SLC9C2: variants seen among roughly 807,000 people sequenced by gnomAD.
SLC9C2 encodes the protein sodium/hydrogen exchanger 11.
SLC9C2 carries 75 observed loss-of-function variants against 140.2 expected under a neutral mutation model. The ratio of observed to expected loss-of-function variants is 0.53; its 90% CI spans 0.44 to 0.65. The LOEUF is 0.65. Among genes scored for constraint, SLC9C2 ranks in the 30% least tolerant of loss-of-function variants. SLC9C2 has a pLI of 0.00. For synonymous variants in SLC9C2, 375 were observed against 420.9 expected (o/e 0.89, Z 1.34); for missense variants, 1,074 against 1,331.8 (o/e 0.81, Z 3.01).
chr1:173,571,640 T>G (rs1001672838), intron 9 of SLC9C2: 1 of 152,190 alleles, frequency 6.6e-6, no homozygotes, highest in Non-Finnish European at 1.5e-5. Flanking sequence ...TGGTTTTTTT[T>G]CTGAAAACCC....
intron 17 of SLC9C2, among the ~76,000 whole-genome samples, chr1:173,532,190 A>C (rs1323087598): frequency 6.6e-6 from 1 of 152,206 alleles, no homozygotes; most frequent in Non-Finnish European, 1.5e-5. Flanking sequence ...AATGTTGTGG[A>C]GAATGGGAAG....
At position 173,600,197 on chromosome 1, in the gene SLC9C2, T is replaced by G; in HGVS notation, c.148A>C (p.Lys50Gln). 6.2e-7 allele frequency: 1 copy of G among 1,611,828 alleles called. No individual in the cohort carries two copies. Among genetic ancestry groups the G allele is most frequent in the Non-Finnish European group, 8.5e-7 (1 of 1,178,816 alleles). ...VLGGLLKMCL[K>Q]NCEVIVLTIL... ...GTCAAAACAATGACTTCACAATTCT[T>G]TAAACACATCTTCAAAAGCCCTAAA... The change falls in exon 3 of 28, where the codon AAG becomes CAG. Residue 50 changes from lysine to glutamine, a missense_variant. Lys to Gln is a moderately conservative substitution (Grantham distance 53, BLOSUM62 1). Transcript: ENST00000367714.
intron 4 of SLC9C2, among the ~76,000 whole-genome samples, chr1:173,591,095 C>A (rs2102249922): frequency 6.6e-6 from 1 of 152,160 alleles, no homozygotes; most frequent in Non-Finnish European, 1.5e-5. Context: ...GAGTTCTCAC[C>A]ATTTAGCTTC....
At chr1:173,597,879 T>G in intron 4 of SLC9C2, 25 bp downstream of exon 4, 1 of 1,555,988 alleles carries the variant, frequency 6.4e-7, no homozygotes, top group Non-Finnish European at 8.7e-7. Context: ...GAATTGATCG[T>G]ACTTTGTTTT....
At chr1:173,511,029 CTTTTTTTTTTTTTTT>C (rs71111066) in intron 23 of SLC9C2, among the ~76,000 whole-genome samples, 2 of 86,738 alleles carry the variant, frequency 2.3e-5, no homozygotes, top group African/African-American at 1.1e-4. Context: ...CTTTCTTTTC[CTTTTTTTTTTTTTTT>C]TTTTTTTTTG....
intron 4 of SLC9C2, among the ~76,000 whole-genome samples, chr1:173,594,238 T>A (rs1436110096): frequency 3.9e-5 from 6 of 152,188 alleles, no homozygotes; most frequent in Non-Finnish European, 8.8e-5. Context: ...AGTTCTAGTG[T>A]TCTATAACAC....
intron 13 of SLC9C2, 121 bp downstream of exon 13, chr1:173,547,568 T>C (rs1662941340): frequency 3.1e-6 from 2 of 652,722 alleles, no homozygotes; most frequent in Non-Finnish European, 4.9e-6. Flanking sequence ...AATCACACAT[T>C]AATTTTAACA....
chr1:173,597,549 G>A (rs1666516190), intron 4 of SLC9C2, among the ~76,000 whole-genome samples: 1 of 152,048 alleles, frequency 6.6e-6, no homozygotes, highest in South Asian at 2.1e-4. Flanking sequence ...GGGAAAATGG[G>A]CAAATCTACA....
chr1:173,579,259 G>A (rs1277944801), intron 7 of SLC9C2, among the ~76,000 whole-genome samples: 1 of 152,118 alleles, frequency 6.6e-6, no homozygotes, highest in Non-Finnish European at 1.5e-5. Flanking sequence ...TTCTGTTTAA[G>A]GCTGGTTCTT....
chr1:173,508,233 A>AG (rs1246976052), intron 24 of SLC9C2, among the ~76,000 whole-genome samples: 1 of 152,116 alleles, frequency 6.6e-6, no homozygotes, highest in Admixed American at 6.6e-5. Context: ...TGTGATTTAG[A>AG]GGGAAAAAAA....
intron 3 of SLC9C2, among the ~76,000 whole-genome samples, chr1:173,598,888 T>C (rs1294973831): frequency 6.6e-6 from 1 of 152,222 alleles, no homozygotes; most frequent in Non-Finnish European, 1.5e-5. Context: ...GGTACAAGCA[T>C]TATCTCCATT....
chr1:173,587,548 A>G (rs1212649241), intron 5 of SLC9C2, 117 bp downstream of exon 5: 31 of 1,038,176 alleles, frequency 3.0e-5, no homozygotes, highest in Admixed American at 2.8e-5. Flanking sequence ...AAGGTGAAAA[A>G]AAAAGCACAG....
rs1018587026 is a variant in SLC9C2 at position 173,533,723 on chromosome 1, G to A, written c.2049C>T (p.Ile683=). ...TLEFFILVIG[I]IDIFCVYFVK... ...CAAAGTATACACAAAAGATATCAAT[G>A]ATTCCAATAACCAGGATAAAAAATT... Residue 683 remains isoleucine, a synonymous_variant, in exon 17 of 28, where the codon ATC becomes ATT. Transcript: ENST00000367714. The A allele has an allele frequency of 6.8e-6, 11 of 1,609,810 alleles. No homozygotes were observed. Among genetic ancestry groups the A allele is most frequent in the Non-Finnish European group, 8.5e-6 (10 of 1,176,926 alleles).
At chr1:173,501,963 TGGGCCAAG>T (rs1659304755) in intron 27 of SLC9C2, among the ~76,000 whole-genome samples, 1 of 152,104 alleles carries the variant, frequency 6.6e-6, no homozygotes, top group Non-Finnish European at 1.5e-5. Context: ...GGGGATAATG[TGGGCCAAG>T]GGACTTCTCT....
intron 9 of SLC9C2, among the ~76,000 whole-genome samples, chr1:173,560,857 A>C (rs61828890): frequency 1.3e-5 from 2 of 151,642 alleles, no homozygotes; most frequent in African/African-American, 2.4e-5. Flanking sequence ...AGTGCAGTGG[A>C]GTGATCTTGG....
At chr1:173,521,428 AAAAG>A (rs1350811511) in intron 21 of SLC9C2, 29 bp from the exon 22 acceptor site, 1 of 1,247,080 alleles carries the variant, frequency 8.0e-7, no homozygotes, top group Non-Finnish European at 1.1e-6. Context: ...AACGAAAAGA[AAAAG>A]AGAGTCAACA....
chr1:173,548,115 A>G (rs752848220), intron 12 of SLC9C2, among the ~76,000 whole-genome samples: 1 of 152,228 alleles, frequency 6.6e-6, no homozygotes, highest in Non-Finnish European at 1.5e-5. Flanking sequence ...CATTAAAAAC[A>G]TTATCTTGGC....
At chr1:173,557,585 T>C (rs1204702559) in intron 9 of SLC9C2, 77 bp from the exon 10 acceptor site, 2 of 1,331,786 alleles carry the variant, frequency 1.5e-6, no homozygotes, top group African/African-American at 3.0e-5. Context: ...AAGTACTAAA[T>C]ACTAAATTTA....
chr1:173,583,568 C>A lies in SLC9C2; in HGVS notation c.578G>T (p.Ser193Ile). 6.2e-7 allele frequency: 1 copy of A among 1,610,310 alleles called. No homozygotes were observed. Among genetic ancestry groups the A allele is most frequent in the Non-Finnish European group, 8.5e-7 (1 of 1,178,408 alleles). The change falls in exon 6 of 28, where the codon AGC becomes ATC. Residue 193 changes from serine to isoleucine, a missense_variant. Coordinates refer to ENST00000367714, the MANE Select transcript of SLC9C2 (RefSeq NM_178527.4). Reference sequence around the variant, plus strand: ...ATTTCCAAAAAAAATTGATGCGATGCTACAAATGATCAATGATTCTCCTCT... The same window carrying A: ...ATTTCCAAAAAAAATTGATGCGATGATACAAATGATCAATGATTCTCCTCT... ...LIRGESLIIC[S>I]IASIFFGNFR...
Sources: allele counts gnomAD v4.1 joint callset (sites outside exome capture counted in the v4.1 genomes callset), GRCh38; gene constraint gnomAD v4.1.1; transcripts MANE v1.5; gene names NCBI Gene and HGNC (gene_info 2026-07-23, HGNC 2026-07-21).